The following ATP8B4 variants were observed in gnomAD, a reference collection of about 807,000 sequenced individuals.
The protein encoded by ATP8B4 is ATPase phospholipid transporting 8B4 (putative).
Under a neutral mutation model 145.6 loss-of-function variants are expected in ATP8B4, and 133 were observed. The observed-to-expected ratio is 0.91, with a 90% CI of 0.79 to 1.05. The LOEUF (loss-of-function observed/expected upper bound fraction) is 1.05. ATP8B4 is among the 50% of genes least tolerant of loss of function. The probability of loss-of-function intolerance (pLI) is 0.00; values close to 1 mark genes in which losing one functional copy is unlikely to be tolerated. For missense variants in ATP8B4, 1,458 were observed against 1,425.2 expected, an observed-to-expected ratio of 1.02 and a Z score of -0.37; for synonymous variants, 507 against 492.9, an observed-to-expected ratio of 1.03 and a Z score of -0.38.
chr15:49,897,116 T>G (rs2037475245), intron 23 of ATP8B4, 176 bp downstream of exon 23: 2 of 602,704 alleles, frequency 3.3e-6, no homozygotes, highest in East Asian at 5.6e-5. Flanking sequence ...ATACATATTC[T>G]TCTTGGGTAC....
At chr15:50,123,810 GT>G (rs1555495665), upstream of ATP8B4, among the ~76,000 whole-genome samples, 1 of 152,050 alleles carries the variant, frequency 6.6e-6, no homozygotes, top group Non-Finnish European at 1.5e-5. Context: ...CACATCTCCA[GT>G]TTTTTTCATC....
intron 1 of ATP8B4, among the ~76,000 whole-genome samples, chr15:50,115,829 A>T (rs1595611743): frequency 6.6e-6 from 1 of 152,178 alleles, no homozygotes; most frequent in African/African-American, 2.4e-5. Context: ...CGTTATCCCC[A>T]TTTTATAGAT....
intron 16 of ATP8B4, among the ~76,000 whole-genome samples, chr15:49,927,372 C>G (rs1406568353): frequency 6.6e-6 from 1 of 152,006 alleles, no homozygotes; most frequent in African/African-American, 2.4e-5. Flanking sequence ...ATGCCTGAGC[C>G]TTTGCATCAG....
intron 23 of ATP8B4, among the ~76,000 whole-genome samples, chr15:49,892,504 A>G (rs1173449957): frequency 2.0e-5 from 3 of 152,328 alleles, no homozygotes; most frequent in African/African-American, 7.2e-5. Context: ...CTATGGGGAC[A>G]ATATTCTTGT....
At chr15:50,121,774 GA>G (rs2057273100), upstream of ATP8B4, among the ~76,000 whole-genome samples, 1 of 152,136 alleles carries the variant, frequency 6.6e-6, no homozygotes, top group Non-Finnish European at 1.5e-5. Flanking sequence ...GTGTTTTCAA[GA>G]GGCCTTATTT....
intron 10 of ATP8B4, among the ~76,000 whole-genome samples, chr15:49,983,561 T>G (rs2046337622): frequency 6.6e-6 from 1 of 152,194 alleles, no homozygotes; most frequent in African/African-American, 2.4e-5. Context: ...GTATCCACTC[T>G]GCCCCCAAAA....
intron 6 of ATP8B4, among the ~76,000 whole-genome samples, chr15:50,026,573 A>G (rs1295760526): frequency 6.6e-6 from 1 of 152,222 alleles, no homozygotes; most frequent in East Asian, 1.9e-4. Flanking sequence ...CAACTGCACT[A>G]TACATAAGAT....
intron 14 of ATP8B4, among the ~76,000 whole-genome samples, chr15:49,941,546 TA>T (rs904788070): frequency 2.6e-5 from 4 of 151,814 alleles, no homozygotes; most frequent in East Asian, 3.9e-4. Context: ...ATGAATAATT[TA>T]AAAAAAACCT....
chr15:50,117,022 A>G (rs1357049404), intron 1 of ATP8B4, among the ~76,000 whole-genome samples: 1 of 152,102 alleles, frequency 6.6e-6, no homozygotes, highest in Non-Finnish European at 1.5e-5. Flanking sequence ...TTTAGATTAC[A>G]CACATTAAGT....
intron 6 of ATP8B4, among the ~76,000 whole-genome samples, chr15:50,018,450 A>C (rs180762893): frequency 4.1e-4 from 63 of 152,298 alleles, no homozygotes; most frequent in Middle Eastern, 3.4e-3. Flanking sequence ...GGTTATCAAA[A>C]AACCTGAAGA....
Position 49,866,434 on chromosome 15 carries a change from C to T in ATP8B4, c.3078G>A (p.Trp1026Ter). Reference protein sequence around the residue: ...YWTFINHVFIWGSIAIYFSIL... With the variant: ...YWTFINHVFI ...TGGAGAAATAAATGGCAATGCTCCCCCAGATGAAGACGTGATTAATGAAAG... is the reference window on the plus strand; with the variant it reads ...TGGAGAAATAAATGGCAATGCTCCCTCAGATGAAGACGTGATTAATGAAAG... The change falls in exon 26 of 28, where the codon TGG becomes TGA. Residue 1026 changes from tryptophan (W) to a stop codon, truncating the protein, a stop_gained. Transcript: ENST00000284509. LOFTEE classifies it high-confidence loss of function. 1 of 1,613,630 alleles carries T rather than the reference C, an allele frequency of 6.2e-7. No homozygotes were observed. Among genetic ancestry groups the T allele is most frequent in the Non-Finnish European group, 8.5e-7 (1 of 1,179,554 alleles).
intron 3 of ATP8B4, among the ~76,000 whole-genome samples, chr15:50,073,615 T>C (rs565250552): frequency 3.3e-5 from 5 of 152,204 alleles, no homozygotes; most frequent in Non-Finnish European, 5.9e-5. Context: ...AGTAATGGGA[T>C]TGCTGGGTCA....
chr15:49,935,723 T>C (rs745421248), intron 14 of ATP8B4, among the ~76,000 whole-genome samples: 12 of 152,150 alleles, frequency 7.9e-5, no homozygotes, highest in Non-Finnish European at 1.6e-4. Context: ...ATTATGTACA[T>C]ATATTACCAT....
chr15:50,001,752 T>A (rs984511849), intron 8 of ATP8B4, among the ~76,000 whole-genome samples: 1 of 152,212 alleles, frequency 6.6e-6, no homozygotes, highest in Non-Finnish European at 1.5e-5. Context: ...TTTTTCTATG[T>A]CTTCATTTGA....
intron 3 of ATP8B4, among the ~76,000 whole-genome samples, chr15:50,061,359 T>C (rs1413826226): frequency 6.6e-6 from 1 of 152,094 alleles, no homozygotes; most frequent in Non-Finnish European, 1.5e-5. Flanking sequence ...GGAAAAGGAA[T>C]AGGGATCAAA....
intron 6 of ATP8B4, among the ~76,000 whole-genome samples, chr15:50,031,083 A>G (rs1217666372): frequency 2.0e-5 from 3 of 152,244 alleles, no homozygotes; most frequent in African/African-American, 7.2e-5. Flanking sequence ...ATTGTTTTGA[A>G]GCACTATTAC....
chr15:50,097,056 T>C (rs1462315043), intron 2 of ATP8B4, among the ~76,000 whole-genome samples: 1 of 152,158 alleles, frequency 6.6e-6, no homozygotes, highest in African/African-American at 2.4e-5. Flanking sequence ...TTATGGTAGA[T>C]GAAATGCAAA....
intron 1 of ATP8B4, among the ~76,000 whole-genome samples, chr15:50,139,458 G>A (rs1389066907): frequency 6.6e-6 from 1 of 152,122 alleles, no homozygotes; most frequent in Non-Finnish European, 1.5e-5. Flanking sequence ...CAAGGGGAGG[G>A]ATAGCACTAG....
intron 11 of ATP8B4, among the ~76,000 whole-genome samples, chr15:49,980,527 T>C (rs1372380270): frequency 3.9e-5 from 6 of 152,156 alleles, no homozygotes; most frequent in Admixed American, 2.6e-4. Flanking sequence ...TATCTGAATG[T>C]TTTTGGTAAA....
Sources: allele counts gnomAD v4.1 joint callset (sites outside exome capture counted in the v4.1 genomes callset), GRCh38; gene constraint gnomAD v4.1.1; transcripts MANE v1.5; gene names NCBI Gene and HGNC (gene_info 2026-07-23, HGNC 2026-07-21).